Variants in APEH observed in about 807,000 individuals in gnomAD.
The protein encoded by APEH is acylaminoacyl-peptide hydrolase.
Under a neutral mutation model 102.7 loss-of-function variants are expected in APEH, and 75 were observed. The ratio of observed to expected loss-of-function variants is 0.73; its 90% CI spans 0.61 to 0.89. APEH has a LOEUF of 0.89. Ranked by LOEUF, APEH falls within the 40% of genes least tolerant of loss-of-function variation. APEH has a pLI of 0.00. For synonymous variants in APEH, 344 were observed against 362.7 expected (o/e 0.95, Z 0.59); for missense variants, 863 against 941.2 (o/e 0.92, Z 1.09).
intron 14 of APEH, 62 bp downstream of exon 14, chr3:49,680,691 G>A (rs1575476922): frequency 3.4e-6 from 5 of 1,471,858 alleles, no homozygotes; most frequent in South Asian, 2.3e-5. Flanking sequence ...AGCTCACCAG[G>A]TCAGGGAATT....
Position 49,676,905 on chromosome 3 carries a change from C to T in APEH, c.880C>T (p.Leu294Phe), listed in dbSNP as rs890512718. 3.1e-6 allele frequency: 5 copies of T among 1,614,126 alleles called. No individual in the cohort carries two copies. The highest frequency in any genetic ancestry group is 4.5e-5 in the East Asian group (2 of 44,902). ...YVDLIGGKCE[L>F]LSDDSLAVSS... ...GCTCATGTTTCCATCTGGCCCAGAG[C>T]TCCTCTCGGATGACTCCCTGGCTGT... is the stretch of plus-strand genomic sequence containing the variant. Residue 294 changes from leucine to phenylalanine, a missense_variant and splice_region_variant, in exon 10 of 22, where the codon CTC (leucine) becomes TTC (phenylalanine). Leu to Phe is a conservative substitution (Grantham distance 22, BLOSUM62 0). Coordinates refer to ENST00000296456, the MANE Select transcript of APEH (RefSeq NM_001640.4).
Position 49,681,959 on chromosome 3 carries a change from T to A in APEH, c.1595T>A (p.Val532Glu). The A allele has an allele frequency of 6.2e-7, 1 of 1,613,770 alleles. No individual in the cohort carries two copies. Among genetic ancestry groups the A allele is most frequent in the Non-Finnish European group, 8.5e-7 (1 of 1,179,652 alleles). Residue 532 changes from valine (V) to glutamate (E), a missense_variant, in exon 17 of 22, where the codon GTA (valine) becomes GAA (glutamate). Coordinates refer to ENST00000296456, the MANE Select transcript of APEH (RefSeq NM_001640.4). ...PAMLCKMGFA[V>E]LLVNYRGSTG... is the part of the protein sequence containing the mutation. ...ATGCTTTGCAAGATGGGCTTTGCGG[T>A]ACTACTAGGTGAGTGAGCAGGGACC...
intron 6 of APEH, 49 bp downstream of exon 6, chr3:49,676,268 A>G (rs374073428): frequency 1.6e-5 from 25 of 1,611,246 alleles, no homozygotes; most frequent in Non-Finnish European, 2.0e-5. Context: ...CCTGGGGCTC[A>G]GTGTGCTCCC....
intron 11 of APEH, among the ~76,000 whole-genome samples, 181 bp from the exon 12 acceptor site, chr3:49,678,671 A>G (rs1183288287): frequency 6.6e-6 from 1 of 152,122 alleles, no homozygotes; most frequent in Non-Finnish European, 1.5e-5. Flanking sequence ...TCTGCCCCTC[A>G]GCCACCTACT....
chr3:49,678,437 T>C (rs1170735415), intron 11 of APEH, among the ~76,000 whole-genome samples: 1 of 152,092 alleles, frequency 6.6e-6, no homozygotes, highest in African/African-American at 2.4e-5. Context: ...TGAGTGATGA[T>C]ATTAAAGGGT....
At chr3:49,674,207 C>A (rs1332561089), upstream of APEH, 23 of 693,990 alleles carry the variant, frequency 3.3e-5, no homozygotes, top group Non-Finnish European at 5.1e-5. Flanking sequence ...ACTTCTCGCT[C>A]CCAGGCCGGG....
In APEH at chr3:49,682,889, G is replaced by A. The variant is rs2108131291; in HGVS notation, c.1930G>A (p.Asp644Asn). Reference sequence around the variant, plus strand: ...TCCTTTCAGCAGTGACTGCCTGCCAGACCTCAGCGTGTGGGCTGAGATGCT... The same window carrying A: ...TCCTTTCAGCAGTGACTGCCTGCCAAACCTCAGCGTGTGGGCTGAGATGCT... ...GFPFSSDCLP[D>N]LSVWAEMLDK... Residue 644 changes from aspartate (D) to asparagine (N), a missense_variant, in exon 20 of 22, where the codon GAC (aspartate) becomes AAC (asparagine). Coordinates refer to ENST00000296456, the MANE Select transcript of APEH (RefSeq NM_001640.4). 1 of 1,614,082 alleles carries A rather than the reference G, an allele frequency of 6.2e-7. No individual in the cohort carries two copies. The highest frequency in any genetic ancestry group is 1.7e-5 in the Admixed American group (1 of 60,034).
chr3:49,680,373 C>T (rs1026694840), intron 13 of APEH, 168 bp from the exon 14 acceptor site: 8 of 608,456 alleles, frequency 1.3e-5, no homozygotes, highest in Admixed American at 1.0e-4. Context: ...AGACTGAGAG[C>T]AGGAGGCTCA....
chr3:49,675,566 G>A, intron 3 of APEH, 128 bp from the exon 4 acceptor site: 1 of 1,053,070 alleles, frequency 9.5e-7, no homozygotes. Flanking sequence ...GCAAGGTGGG[G>A]CTAGAGGTGC....
Position 49,681,705 on chromosome 3 carries a change from C to T in APEH, c.1439-17C>T, listed in dbSNP as rs1293504306. On this transcript the variant is annotated splice_polypyrimidine_tract_variant and intron_variant, in intron 15 of 21. Coordinates refer to ENST00000296456, the MANE Select transcript of APEH (RefSeq NM_001640.4). ...GCCCCTAGGCTCACCCTGCTGACTG[C>T]TGCCCTCTCCCTGCAGCTGGCCTTG... 6.4e-7 allele frequency: 1 copy of T among 1,556,868 alleles called. No individual in the cohort carries two copies. The highest frequency in any genetic ancestry group is 1.8e-5 in the Admixed American group (1 of 55,382).
intron 14 of APEH, 77 bp downstream of exon 14, chr3:49,680,706 CCA>C: frequency 7.5e-7 from 1 of 1,336,426 alleles, no homozygotes; most frequent in Non-Finnish European, 1.1e-6. Context: ...GGAATTGGCC[CCA>C]GAGTCTGACC....
At chr3:49,675,058 A>G in intron 2 of APEH, 125 bp from the exon 3 acceptor site, 1 of 1,316,082 alleles carries the variant, frequency 7.6e-7, no homozygotes, top group Non-Finnish European at 1.1e-6. Flanking sequence ...CCAGGGTGTC[A>G]GTGTCTGGAG....
At chr3:49,682,244 TG>T in intron 17 of APEH, 103 bp from the exon 18 acceptor site, 1 of 1,195,816 alleles carries the variant, frequency 8.4e-7, no homozygotes, top group South Asian at 1.4e-5. Context: ...TGACAGTCTG[TG>T]GTATAGCTGG....
chr3:49,678,981 C>T (rs2108123220), intron 12 of APEH, 32 bp downstream of exon 12: 1 of 1,583,954 alleles, frequency 6.3e-7, no homozygotes, highest in Non-Finnish European at 8.7e-7. Context: ...GAGGGGCAGC[C>T]CCTGTGGTCA....
At chr3:49,676,025 G>GC (rs766681463) in intron 5 of APEH, 31 bp from the exon 6 acceptor site, 12 of 1,613,940 alleles carry the variant, frequency 7.4e-6, no homozygotes, top group South Asian at 2.2e-5. Context: ...GTAGCCCTGG[G>GC]CCCCCCCTGA....
In APEH at chr3:49,679,172, C is replaced by A. The variant is rs980830434; in HGVS notation, c.1158+223C>A. ...CTTTTCGTCTGAGGCAGAGATGCAA[C>A]CCCTCCCAGGCATTTCTAGCTGGGG... On this transcript the variant is annotated intron_variant, in intron 12 of 21. Coordinates refer to ENST00000296456, the MANE Select transcript of APEH (RefSeq NM_001640.4). This position sits in a 1 kb window ranked among gnomAD's most constrained non-coding sequence, Gnocchi z 4.3. 3.9e-5 allele frequency among the ~76,000 whole-genome samples: 6 copies of A among 152,184 alleles called. No individual in the cohort carries two copies. The highest frequency in any genetic ancestry group is 9.7e-5 in the African/African-American group (4 of 41,434).
rs367817766 is a variant in APEH at position 49,680,563 on chromosome 3, G to A, written c.1233G>A (p.Lys411=). The A allele has an allele frequency of 3.7e-6, 6 of 1,614,002 alleles. No homozygotes were observed. The African/African-American group carries it at 8.0e-5, about 22-fold the overall frequency. Residue 411 remains lysine (K), a synonymous_variant, in exon 14 of 22, where the codon AAG becomes AAA. Coordinates refer to ENST00000296456, the MANE Select transcript of APEH (RefSeq NM_001640.4). ...LTAGGSGGSW[K]LLTIDQDLMV... ...CAGGAGGGTCAGGTGGGAGCTGGAAGTTGCTCACAATTGACCAGGACCTCA... is the reference window on the plus strand; with the variant it reads ...CAGGAGGGTCAGGTGGGAGCTGGAAATTGCTCACAATTGACCAGGACCTCA...
At position 49,680,607 on chromosome 3, in the gene APEH, C is replaced by T; in HGVS notation, c.1277C>T (p.Thr426Ile). 3.1e-6 allele frequency: 5 copies of T among 1,614,078 alleles called. No homozygotes were observed. Among genetic ancestry groups the T allele is most frequent in the South Asian group, 1.1e-5 (1 of 91,082 alleles). ...DQDLMVAQFS[T>I]PSLPPTLKVG... ...GACCTCATGGTGGCACAGTTTTCCA[C>T]ACCCAGCCTACCTCCAACCCTGGTG... The change falls in exon 14 of 22, where the codon ACA becomes ATA. Residue 426 changes from threonine (T) to isoleucine (I), a missense_variant. Coordinates refer to ENST00000296456, the MANE Select transcript of APEH (RefSeq NM_001640.4).
rs769597567 is a variant in APEH at position 49,681,725 on chromosome 3, G to T, written c.1442G>T (p.Gly481Val). ...GACTGCTGCCCTCTCCCTGCAGCTG[G>T]CCTTGACTTTGAAGCAATCCTGCTG... Reference protein sequence around the residue: ...PPEQENVQYAGLDFEAILLQP... With the variant: ...PPEQENVQYAVLDFEAILLQP... The change falls in exon 16 of 22, where the codon GGC becomes GTC. Residue 481 changes from glycine (G) to valine (V), a missense_variant. Coordinates refer to ENST00000296456, the MANE Select transcript of APEH (RefSeq NM_001640.4). The T allele has an allele frequency of 1.3e-6, 2 of 1,585,572 alleles. No homozygotes were observed. The highest frequency in any genetic ancestry group is 2.3e-5 in the South Asian group (2 of 85,696).
Sources: allele counts gnomAD v4.1 joint callset (sites outside exome capture counted in the v4.1 genomes callset), GRCh38; gene constraint gnomAD v4.1.1; non-coding constraint Gnocchi (gnomAD v3.1); transcripts MANE v1.5; gene names NCBI Gene and HGNC (gene_info 2026-07-23, HGNC 2026-07-21).